Variants in SPAG16 observed in about 807,000 individuals in gnomAD.
SPAG16 encodes sperm-associated antigen 16 protein.
Under a neutral mutation model 80.4 loss-of-function variants are expected in SPAG16, and 86 were observed. The ratio of observed to expected loss-of-function variants is 1.07; its 90% CI spans 0.90 to 1.28. The LOEUF (loss-of-function observed/expected upper bound fraction) is 1.28. Ranked by LOEUF, SPAG16 falls within the 50% of genes most tolerant of loss-of-function variation. The pLI is 0.00. For missense variants in SPAG16, 870 were observed against 765.3 expected, an observed-to-expected ratio of 1.14 and a Z score of -1.61; for synonymous variants, 294 against 265.9, an observed-to-expected ratio of 1.11 and a Z score of -1.03.
chr2:213,860,342 GATATATAT>G (rs57174578), intron 10 of SPAG16, among the ~76,000 whole-genome samples: 101 of 141,570 alleles, frequency 7.1e-4, no homozygotes, highest in African/African-American at 2.2e-3. Flanking sequence ...GTCATTTACA[GATATATAT>G]ATATATATAT....
At chr2:214,150,684 G>A (rs547272874) in intron 15 of SPAG16, among the ~76,000 whole-genome samples, 5 of 152,032 alleles carry the variant, frequency 3.3e-5, no homozygotes, top group African/African-American at 1.2e-4. Context: ...AATTTTGTCT[G>A]TACTTCCTAA....
intron 5 of SPAG16, among the ~76,000 whole-genome samples, chr2:213,325,918 T>A (rs974184861): frequency 1.3e-5 from 2 of 152,064 alleles, no homozygotes; most frequent in African/African-American, 4.8e-5. Flanking sequence ...GATTGTGTGC[T>A]ATTAAACTTT....
chr2:213,869,896 T>C (rs1365816), intron 11 of SPAG16, among the ~76,000 whole-genome samples: 139,234 of 152,172 alleles, frequency 0.91, 64,989 homozygotes, highest in East Asian at 1. Flanking sequence ...AAATTTGGAA[T>C]GGAGAGGATC....
chr2:213,296,052 C>G lies in SPAG16; in HGVS notation c.137-12C>G. On this transcript the variant is annotated splice_polypyrimidine_tract_variant and intron_variant, in intron 1 of 15. Coordinates refer to ENST00000331683, the MANE Select transcript of SPAG16 (RefSeq NM_024532.5). ...TATATTTTTTGAGATTAAAACTTGACAAGATATTCAGAGGTCACCATAACT... is the reference window on the plus strand; with the variant it reads ...TATATTTTTTGAGATTAAAACTTGAGAAGATATTCAGAGGTCACCATAACT... 1 of 1,605,606 alleles carries G rather than the reference C, an allele frequency of 6.2e-7. No individual in the cohort carries two copies. The highest frequency in any genetic ancestry group is 8.5e-7 in the Non-Finnish European group (1 of 1,173,774).
rs141808838 is a variant in SPAG16, at chr2:213,354,736, G to T, written c.762+4091G>T. Among the ~76,000 whole-genome samples, 670 of 151,912 alleles carry T rather than the reference G, an allele frequency of 4.4e-3. 4 individuals are homozygous for T. Among genetic ancestry groups the T allele is most frequent in the African/African-American group, 0.015 (615 of 41,502 alleles). The stretch of plus-strand genomic sequence containing the variant: ...TTTGTTTTTTTCTTGTAAATTTGTT[G>T]AAGTTATTTGTAGATTCTGAATATT... On this transcript the variant is annotated intron_variant, in intron 7 of 15. Coordinates refer to ENST00000331683, the MANE Select transcript of SPAG16 (RefSeq NM_024532.5).
At chr2:213,979,786 C>T (rs554086729) in intron 12 of SPAG16, among the ~76,000 whole-genome samples, 55 of 152,166 alleles carry the variant, frequency 3.6e-4, no homozygotes, top group African/African-American at 1.2e-3. Context: ...TGCCTTTTCT[C>T]TTGCAATAAA....
In SPAG16 at chr2:214,338,682, C is replaced by T. The variant is rs73989433; in HGVS notation, c.1721-71458C>T. ...CTCCATAATAGAATGAAAAGGTGAG[C>T]CACAATTCTATCAGCTTTTTCTACT... On this transcript the variant is annotated intron_variant, in intron 15 of 15. Transcript: ENST00000331683. Among the ~76,000 whole-genome samples the T allele has an allele frequency of 3.6e-3, 551 of 152,170 alleles. 3 individuals are homozygous for T. Among genetic ancestry groups the T allele is most frequent in the African/African-American group, 0.012 (516 of 41,514 alleles).
At chr2:214,084,243 C>T (rs1285563749) in intron 13 of SPAG16, among the ~76,000 whole-genome samples, 1 of 152,186 alleles carries the variant, frequency 6.6e-6, no homozygotes, top group Admixed American at 6.5e-5. Context: ...CATTTGTTTA[C>T]ATCTGTAACT....
chr2:214,292,395 C>A (rs1254052271), intron 15 of SPAG16, among the ~76,000 whole-genome samples: 3 of 152,130 alleles, frequency 2.0e-5, no homozygotes, highest in Admixed American at 1.3e-4. Flanking sequence ...AATTTCAAAA[C>A]ACCCATATTC....
intron 12 of SPAG16, among the ~76,000 whole-genome samples, chr2:214,011,464 G>A (rs2047278384): frequency 8.5e-6 from 1 of 118,220 alleles, no homozygotes; most frequent in Admixed American, 7.5e-5. Context: ...TTTCTTCAAA[G>A]GGCTATGAAT....
At chr2:214,215,600 A>G (rs551123825) in intron 15 of SPAG16, among the ~76,000 whole-genome samples, 34 of 152,174 alleles carry the variant, frequency 2.2e-4, no homozygotes, top group Non-Finnish European at 4.7e-4. Context: ...GTGACAGTGA[A>G]ATTACTGAAG....
intron 10 of SPAG16, among the ~76,000 whole-genome samples, chr2:213,490,436 T>C (rs1273106519): frequency 6.6e-6 from 1 of 152,180 alleles, no homozygotes; most frequent in Non-Finnish European, 1.5e-5. Context: ...TTTACCAATG[T>C]ACTTTTTCCC....
chr2:213,969,821 G>GA (rs200756233), intron 12 of SPAG16, among the ~76,000 whole-genome samples: 47 of 149,076 alleles, frequency 3.2e-4, no homozygotes, highest in African/African-American at 1.1e-3. Context: ...AAATGTGGAA[G>GA]AAAAAAAAAC....
At chr2:213,339,121 G>A (rs562342387) in intron 5 of SPAG16, among the ~76,000 whole-genome samples, 4 of 152,118 alleles carry the variant, frequency 2.6e-5, no homozygotes, top group Non-Finnish European at 5.9e-5. Context: ...TCAAGAAGTC[G>A]TTAATCAACA....
intron 10 of SPAG16, among the ~76,000 whole-genome samples, chr2:213,742,612 C>T (rs2067615742): frequency 3.0e-5 from 4 of 135,046 alleles, no homozygotes; most frequent in East Asian, 2.2e-4. Flanking sequence ...GAGTGCGTGG[C>T]GCAATCTCGC....
In SPAG16 at chr2:213,612,478, T is replaced by C. The variant is rs1407089710; in HGVS notation, c.1070+122388T>C. ...TTTGTGTCATCACTTAGATATCTAA[T>C]AGATATTTTAAACTTAACATGTGCA... On this transcript the variant is annotated intron_variant, in intron 10 of 15. Coordinates refer to ENST00000331683, the MANE Select transcript of SPAG16 (RefSeq NM_024532.5). Among the ~76,000 whole-genome samples the C allele has an allele frequency of 2.0e-5, 3 of 152,180 alleles. No homozygotes were observed. The East Asian group carries it at 5.8e-4, about 29-fold the overall frequency.
rs145946420 is a variant in SPAG16, at chr2:214,258,325, G to C, written c.1720+109059G>C. Reference sequence around the variant, plus strand: ...TAGCTTAGCTCCCATTTATAGGTGAGAACAAATGATATTTGGTTTTCCATT... The same window carrying C: ...TAGCTTAGCTCCCATTTATAGGTGACAACAAATGATATTTGGTTTTCCATT... On this transcript the variant is annotated intron_variant, in intron 15 of 15. Coordinates refer to ENST00000331683, the MANE Select transcript of SPAG16 (RefSeq NM_024532.5). Among the ~76,000 whole-genome samples the C allele has an allele frequency of 3.0e-3, 457 of 152,052 alleles. 3 individuals are homozygous for C. The highest frequency in any genetic ancestry group is 0.017 in the Middle Eastern group (5 of 294).
chr2:214,008,660 G>T, intron 12 of SPAG16, among the ~76,000 whole-genome samples: 1 of 151,678 alleles, frequency 6.6e-6, no homozygotes, highest in Middle Eastern at 3.2e-3. Context: ...TAGGAGAATC[G>T]CTTGAACCGG....
intron 10 of SPAG16, among the ~76,000 whole-genome samples, chr2:213,620,450 G>A (rs546428833): frequency 1.1e-3 from 160 of 151,682 alleles, no homozygotes; most frequent in Middle Eastern, 6.8e-3. Flanking sequence ...CCGCCACCAC[G>A]CCCGGCTAAT....
Sources: allele counts gnomAD v4.1 joint callset (sites outside exome capture counted in the v4.1 genomes callset), GRCh38; gene constraint gnomAD v4.1.1; transcripts MANE v1.5; gene names NCBI Gene and HGNC (gene_info 2026-07-23, HGNC 2026-07-21).